RABGAP1L: variants seen among roughly 807,000 people sequenced by gnomAD.
RABGAP1L encodes rab GTPase-activating protein 1-like.
RABGAP1L carries 63 observed loss-of-function variants against 137.7 expected under a neutral mutation model. The observed-to-expected ratio is 0.46, with a 90% CI of 0.37 to 0.56. The LOEUF (loss-of-function observed/expected upper bound fraction) is 0.56. RABGAP1L is among the 20% of genes least tolerant of loss of function. The pLI is 0.00. For missense variants in RABGAP1L, 1,095 were observed against 1,244.0 expected, an observed-to-expected ratio of 0.88 and a Z score of 1.80; for synonymous variants, 431 against 433.7, an observed-to-expected ratio of 0.99 and a Z score of 0.08.
chr1:174,603,185 T>C (rs1368588653), intron 13 of RABGAP1L, among the ~76,000 whole-genome samples: 3 of 152,204 alleles, frequency 2.0e-5, no homozygotes, highest in Non-Finnish European at 4.4e-5. Flanking sequence ...CTCAAACCAG[T>C]AACACTATGA....
rs370030078 is a variant in RABGAP1L, at chr1:174,335,688, T to A, written c.1465+30561T>A. On this transcript the variant is annotated intron_variant, in intron 11 of 25. Coordinates refer to ENST00000681986, the MANE Select transcript of RABGAP1L (RefSeq NM_001366446.1). ...CTGTTTGTTGGTCTCATACTTGCAT[T>A]TATACTTGTAACATGGATAGTAAAC... 1.4e-4 allele frequency among the ~76,000 whole-genome samples: 22 copies of A among 152,344 alleles called. No individual in the cohort carries two copies. The South Asian group carries it at 4.4e-3, about 30-fold the overall frequency.
chr1:174,250,841 G>A (rs1672655637), intron 6 of RABGAP1L, among the ~76,000 whole-genome samples: 1 of 152,096 alleles, frequency 6.6e-6, no homozygotes, highest in Admixed American at 6.5e-5. Flanking sequence ...CACCCAGGCT[G>A]GAGTGTGCAT....
intron 13 of RABGAP1L, among the ~76,000 whole-genome samples, chr1:174,567,239 T>C (rs544213825): frequency 8.5e-4 from 129 of 152,292 alleles, no homozygotes; most frequent in African/African-American, 3.0e-3. Context: ...AATTTGCCTA[T>C]TCTAAGTACT....
intron 4 of RABGAP1L, among the ~76,000 whole-genome samples, chr1:174,232,175 G>A (rs1449050661): frequency 6.6e-6 from 1 of 152,078 alleles, no homozygotes; most frequent in Non-Finnish European, 1.5e-5. Flanking sequence ...GCTTAATTAG[G>A]AATAATACAT....
intron 23 of RABGAP1L, among the ~76,000 whole-genome samples, chr1:174,980,724 T>C (rs1574068574): frequency 6.6e-6 from 1 of 152,190 alleles, no homozygotes; most frequent in Non-Finnish European, 1.5e-5. Context: ...TGTGGTAGGA[T>C]CTTTTTGAGC....
intron 13 of RABGAP1L, among the ~76,000 whole-genome samples, chr1:174,442,554 T>A (rs1654279513): frequency 6.6e-6 from 1 of 152,120 alleles, no homozygotes; most frequent in African/African-American, 2.4e-5. Flanking sequence ...TAGGAATAAT[T>A]TTTTTCCAAC....
At chr1:174,337,265 G>T (rs79273006) in intron 11 of RABGAP1L, among the ~76,000 whole-genome samples, 11,105 of 152,072 alleles carry the variant, frequency 0.073, 600 homozygotes, top group East Asian at 0.32. Flanking sequence ...GATTTTGGCA[G>T]AATTCATTTC....
chr1:174,873,667 C>T (rs932434389), intron 19 of RABGAP1L, among the ~76,000 whole-genome samples: 3 of 151,740 alleles, frequency 2.0e-5, no homozygotes, highest in Middle Eastern at 3.4e-3. Context: ...CGCGCCACCA[C>T]GCCTGGCTAA....
chr1:174,875,212 TTTGA>T (rs1351527283), intron 19 of RABGAP1L, among the ~76,000 whole-genome samples: 3 of 152,368 alleles, frequency 2.0e-5, no homozygotes, highest in Non-Finnish European at 2.9e-5. Context: ...TTTTAAAGCC[TTTGA>T]TTATTTTTCT....
chr1:174,653,108 C>T (rs547045191), intron 14 of RABGAP1L, among the ~76,000 whole-genome samples: 5 of 152,128 alleles, frequency 3.3e-5, no homozygotes, highest in Admixed American at 6.5e-5. Flanking sequence ...GAGGGGAAAA[C>T]CGCCTACTCC....
At chr1:174,253,546 C>T (rs1243512706) in intron 7 of RABGAP1L, among the ~76,000 whole-genome samples, 1 of 152,084 alleles carries the variant, frequency 6.6e-6, no homozygotes, top group Non-Finnish European at 1.5e-5. Context: ...ATACCTAGTA[C>T]TTCTTTGTCT....
chr1:174,321,979 T>C (rs929988233), intron 11 of RABGAP1L, among the ~76,000 whole-genome samples: 4 of 138,422 alleles, frequency 2.9e-5, no homozygotes, highest in African/African-American at 1.2e-4. Context: ...TCTTTATATA[T>C]ATTAGACAAT....
intron 12 of RABGAP1L, among the ~76,000 whole-genome samples, chr1:174,389,257 C>T (rs915883678): frequency 1.3e-5 from 2 of 152,010 alleles, no homozygotes; most frequent in South Asian, 2.1e-4. Context: ...GATGCCACCT[C>T]ATCTTTTAAT....
At chr1:174,803,724 A>T (rs1444073183) in intron 18 of RABGAP1L, among the ~76,000 whole-genome samples, 1 of 152,094 alleles carries the variant, frequency 6.6e-6, no homozygotes, top group South Asian at 2.1e-4. Flanking sequence ...GAATAGAAGC[A>T]TCTGGAGCTA....
chr1:174,800,604 C>T, intron 18 of RABGAP1L: 1 of 1,456,794 alleles, frequency 6.9e-7, no homozygotes, highest in Non-Finnish European at 9.1e-7. Context: ...TTTTCTTCTC[C>T]TTCTCCCCAT....
At chr1:174,760,376 G>T (rs1331601246) in intron 18 of RABGAP1L, among the ~76,000 whole-genome samples, 2 of 152,088 alleles carry the variant, frequency 1.3e-5, no homozygotes, top group African/African-American at 2.4e-5. Context: ...CCTTCTTTGT[G>T]TCCACGTGTA....
chr1:174,468,252 A>G (rs1657522956), intron 13 of RABGAP1L, among the ~76,000 whole-genome samples: 1 of 152,180 alleles, frequency 6.6e-6, no homozygotes, highest in African/African-American at 2.4e-5. Flanking sequence ...ATTAGGATAA[A>G]CAAATAGAGA....
At chr1:174,559,144 G>A (rs1667057150) in intron 13 of RABGAP1L, among the ~76,000 whole-genome samples, 1 of 152,026 alleles carries the variant, frequency 6.6e-6, no homozygotes, top group South Asian at 2.1e-4. Flanking sequence ...AATACCATGT[G>A]TTTTATCATT....
chr1:174,699,751 G>C, intron 16 of RABGAP1L, 101 bp downstream of exon 16: 2 of 1,136,182 alleles, frequency 1.8e-6, no homozygotes, highest in Non-Finnish European at 2.5e-6. Context: ...AAGTTTAATG[G>C]AATATTATAG....
Sources: allele counts gnomAD v4.1 joint callset (sites outside exome capture counted in the v4.1 genomes callset), GRCh38; gene constraint gnomAD v4.1.1; transcripts MANE v1.5; gene names NCBI Gene and HGNC (gene_info 2026-07-23, HGNC 2026-07-21).